TENM2: variants seen among roughly 807,000 people sequenced by gnomAD.
TENM2 encodes teneurin-2.
TENM2 carries 52 observed loss-of-function variants against 245.2 expected under a neutral mutation model. The ratio of observed to expected loss-of-function variants is 0.21; its 90% CI spans 0.17 to 0.27. The LOEUF (loss-of-function observed/expected upper bound fraction) is 0.27, where lower values mean the gene tolerates loss of function less well. Ranked by LOEUF, TENM2 falls within the 10% of genes least tolerant of loss-of-function variation. The pLI is 1.00. For missense variants in TENM2, 3,046 were observed against 3,666.8 expected, an observed-to-expected ratio of 0.83 and a Z score of 4.37; for synonymous variants, 1,363 against 1,438.9, an observed-to-expected ratio of 0.95 and a Z score of 1.19.
rs575506311 is a variant in TENM2 at position 167,350,983 on chromosome 5, G to GAT, written c.227-24206_227-24205dup. Among the ~76,000 whole-genome samples the GAT allele has an allele frequency of 1.9e-3, 59 of 30,472 alleles. 11 individuals carry two copies. The highest frequency in any genetic ancestry group is 4.9e-3 in the African/African-American group (56 of 11,382). The allele number at this position is 30,472 out of a possible 152,430, so 20.0% of individuals were successfully genotyped here. On this transcript the variant is annotated intron_variant, in intron 1 of 28. Transcript: ENST00000518659. ...TATATATATGGGGTATATACATATG[G>GAT]ATATATATATGGATTATATACATAT...
the TENM2 span, among the ~76,000 whole-genome samples, chr5:167,170,363 C>G: frequency 6.6e-6 from 1 of 152,122 alleles, no homozygotes; most frequent in Non-Finnish European, 1.5e-5. Context: ...TAAATACTAG[C>G]TAGGTATGGT....
At chr5:167,171,623 G>A in the TENM2 span, among the ~76,000 whole-genome samples, 1 of 152,134 alleles carries the variant, frequency 6.6e-6, no homozygotes, top group South Asian at 2.1e-4. Flanking sequence ...AAGACTGTTT[G>A]CAACCTGGAG....
At chr5:167,076,233 G>C in the TENM2 span, among the ~76,000 whole-genome samples, 1 of 151,980 alleles carries the variant, frequency 6.6e-6, no homozygotes, top group Non-Finnish European at 1.5e-5. Flanking sequence ...TATAGTTCTA[G>C]GGCAGCCGTA....
intron 7 of TENM2, among the ~76,000 whole-genome samples, chr5:168,063,140 G>T (rs1020349420): frequency 7.2e-5 from 11 of 152,140 alleles, no homozygotes; most frequent in African/African-American, 2.7e-4. Context: ...GGATTAATTT[G>T]TTAAAATATC....
chr5:167,732,733 A>G (rs1038063723), intron 2 of TENM2, among the ~76,000 whole-genome samples: 1 of 152,182 alleles, frequency 6.6e-6, no homozygotes, highest in African/African-American at 2.4e-5. Flanking sequence ...AGTTTCCAAG[A>G]AAATGTTATT....
intron 13 of TENM2, chr5:168,186,441 C>G (rs1760438845): frequency 6.6e-6 from 1 of 152,180 alleles, no homozygotes; most frequent in Non-Finnish European, 1.5e-5. Context: ...AGAACCAGAG[C>G]TGTGATTTAG....
chr5:167,242,531 C>A, the TENM2 span, among the ~76,000 whole-genome samples: 1 of 152,116 alleles, frequency 6.6e-6, no homozygotes, highest in South Asian at 2.1e-4. Context: ...GCCCCTAAGA[C>A]AACAAGACCA....
intron 7 of TENM2, among the ~76,000 whole-genome samples, chr5:168,084,659 G>A (rs963038032): frequency 5.3e-5 from 8 of 152,192 alleles, no homozygotes; most frequent in Non-Finnish European, 1.5e-5. Context: ...GATGAGCTTG[G>A]CATCTTCCAG....
intron 23 of TENM2, among the ~76,000 whole-genome samples, chr5:168,223,964 A>G (rs4976540): frequency 0.039 from 5,989 of 151,784 alleles, 309 homozygotes; most frequent in East Asian, 0.24. Context: ...TTTGTACCCC[A>G]CACTTCCACT....
At chr5:167,174,136 G>A in the TENM2 span, among the ~76,000 whole-genome samples, 1 of 150,808 alleles carries the variant, frequency 6.6e-6, no homozygotes, top group South Asian at 2.1e-4. Context: ...TGTTCCTGGA[G>A]TTCTACAACT....
intron 13 of TENM2, 97 bp downstream of exon 15, chr5:168,162,854 T>C: frequency 7.3e-7 from 1 of 1,372,042 alleles, no homozygotes; most frequent in Non-Finnish European, 1.0e-6. Flanking sequence ...TCCCCTGCAC[T>C]ATTGTCAAAT....
At chr5:167,455,756 C>T (rs797009241) in intron 2 of TENM2, among the ~76,000 whole-genome samples, 10 of 152,158 alleles carry the variant, frequency 6.6e-5, no homozygotes, top group African/African-American at 2.4e-4. Flanking sequence ...ACCAAGAGAC[C>T]GTTCAAGGGT....
intron 12 of TENM2, among the ~76,000 whole-genome samples, chr5:168,146,110 A>C (rs575044093): frequency 6.6e-6 from 1 of 151,164 alleles, no homozygotes; most frequent in African/African-American, 2.4e-5. Context: ...TAGGTATACA[A>C]TCATGTCGTC....
At chr5:167,225,107 T>A in the TENM2 span, among the ~76,000 whole-genome samples, 1 of 151,898 alleles carries the variant, frequency 6.6e-6, no homozygotes, top group Non-Finnish European at 1.5e-5. Flanking sequence ...TTTGGTAGAG[T>A]GTTTTGATTT....
the TENM2 span, among the ~76,000 whole-genome samples, chr5:166,988,306 GA>G: frequency 5.3e-5 from 8 of 150,914 alleles, no homozygotes; most frequent in South Asian, 2.1e-4. Flanking sequence ...GCAATGGCTG[GA>G]AAAAAAAAGA....
At chr5:167,503,653 A>C (rs1045479670) in intron 2 of TENM2, among the ~76,000 whole-genome samples, 1 of 152,102 alleles carries the variant, frequency 6.6e-6, no homozygotes, top group Non-Finnish European at 1.5e-5. Context: ...CAGCACTTTC[A>C]GAGAATGAGG....
rs750383975 is a variant in TENM2, at chr5:167,449,521, TAGATAGATAGATAGATA to T, written c.502+74049_502+74065del. Among the ~76,000 whole-genome samples, 256 of 74,038 alleles carry T rather than the reference TAGATAGATAGATAGATA, an allele frequency of 3.5e-3. 2 individuals are homozygous for T. The highest frequency in any genetic ancestry group is 5.6e-3 in the Non-Finnish European group (185 of 32,866). 48.6% of individuals were successfully genotyped at this position (74,038 alleles called of 152,430 possible). On this transcript the variant is annotated intron_variant, in intron 2 of 28. Transcript: ENST00000518659. The stretch of plus-strand genomic sequence containing the variant: ...CCCTAAAGATATGCAGATAGATAGA[TAGATAGATAGATAGATA>T]GATAGATAGATAGATAGATAGATAG...
At chr5:167,270,625 C>A in the TENM2 span, among the ~76,000 whole-genome samples, 2 of 152,028 alleles carry the variant, frequency 1.3e-5, no homozygotes, top group African/African-American at 4.8e-5. Context: ...TGTAGATGGT[C>A]CCACATCAGG....
chr5:167,435,695 A>G (rs557269966), intron 2 of TENM2, among the ~76,000 whole-genome samples: 5 of 152,254 alleles, frequency 3.3e-5, no homozygotes, highest in Non-Finnish European at 7.4e-5. Flanking sequence ...GAGGGTTCAG[A>G]AGAAGATAAA....
Sources: gnomAD v4.1 joint callset for allele counts (sites outside exome capture counted in the v4.1 genomes callset) on GRCh38, gnomAD v4.1.1 for gene constraint, MANE v1.5 for transcripts, NCBI Gene and HGNC (gene_info 2026-07-23, HGNC 2026-07-21) for gene names.